Variants in GRIA1 observed in about 807,000 individuals in gnomAD.
GRIA1 encodes the protein glutamate receptor 1.
GRIA1 carries 31 observed loss-of-function variants against 99.2 expected under a neutral mutation model. The observed-to-expected ratio is 0.31, with a 90% CI of 0.23 to 0.42. GRIA1 has a LOEUF of 0.42. GRIA1 is among the 10% of genes least tolerant of loss of function. The pLI is 1.00. For synonymous variants in GRIA1, 438 were observed against 432.4 expected (o/e 1.01, Z -0.16); for missense variants, 782 against 1,157.5 (o/e 0.68, Z 4.71).
chr5:153,580,842 G>A (rs1013606397), intron 2 of GRIA1, among the ~76,000 whole-genome samples: 5 of 152,142 alleles, frequency 3.3e-5, no homozygotes, highest in Non-Finnish European at 2.9e-5. Context: ...TCTGTATTCA[G>A]AGAGGCATCC....
At chr5:153,533,310 G>A (rs946036439) in intron 2 of GRIA1, among the ~76,000 whole-genome samples, 3 of 151,790 alleles carry the variant, frequency 2.0e-5, no homozygotes, top group Admixed American at 1.3e-4. Flanking sequence ...CAAAAGAAAC[G>A]TCACTGTTGG....
intron 2 of GRIA1, among the ~76,000 whole-genome samples, chr5:153,591,268 A>G (rs921542054): frequency 2.6e-5 from 4 of 152,208 alleles, no homozygotes; most frequent in Non-Finnish European, 5.9e-5. Flanking sequence ...CATGAAAATT[A>G]TGAGTGTAAT....
At chr5:153,551,970 G>A (rs756861272) in intron 2 of GRIA1, among the ~76,000 whole-genome samples, 8 of 152,168 alleles carry the variant, frequency 5.3e-5, no homozygotes, top group Non-Finnish European at 1.0e-4. Context: ...CATCCTCTCC[G>A]AAGCAGTCAC....
In GRIA1 at chr5:153,647,132, G is replaced by A; in HGVS notation, c.425G>A (p.Trp142Ter). ...ALISIIDHYKWQKFVYIYDAD... is the reference protein window; with the variant it reads ...ALISIIDHYK The stretch of plus-strand genomic sequence containing the variant: ...ATCAGCATCATTGACCATTACAAGT[G>A]GCAGAAATTTGTCTACATTTATGAT... Residue 142 changes from tryptophan to a stop codon, truncating the protein, a stop_gained, in exon 3 of 16, where the codon TGG (tryptophan) becomes TAG (stop). Transcript: ENST00000285900. LOFTEE classifies it high-confidence loss of function. 1 of 1,613,852 alleles carries A rather than the reference G, an allele frequency of 6.2e-7. No homozygotes were observed. The highest frequency in any genetic ancestry group is 8.5e-7 in the Non-Finnish European group (1 of 1,179,876).
At chr5:153,773,088 C>T (rs1223777669) in intron 13 of GRIA1, among the ~76,000 whole-genome samples, 1 of 152,160 alleles carries the variant, frequency 6.6e-6, no homozygotes, top group Non-Finnish European at 1.5e-5. Flanking sequence ...TGACTTTCCA[C>T]TATAATAAAA....
chr5:153,698,078 C>T lies in GRIA1; in HGVS notation c.1169C>T (p.Pro390Leu), dbSNP rs748656392. 1 of 1,610,158 alleles carries T rather than the reference C, an allele frequency of 6.2e-7. No homozygotes were observed. The highest frequency in any genetic ancestry group is 1.7e-5 in the Admixed American group (1 of 60,006). ...GYWNEDDKFVPAATDAQAGGD... is the reference protein window; with the variant it reads ...GYWNEDDKFVLAATDAQAGGD... Reference sequence around the variant, plus strand: ...TGGAATGAAGATGATAAGTTTGTCCCTGCAGCCACCGATGCCCAAGCTGGG... The same window carrying T: ...TGGAATGAAGATGATAAGTTTGTCCTTGCAGCCACCGATGCCCAAGCTGGG... The change falls in exon 9 of 16, where the codon CCT becomes CTT. Residue 390 changes from proline (P) to leucine (L), a missense_variant. Pro to Leu is a moderately conservative substitution (Grantham distance 98). This residue lies in a region of GRIA1 where 461 missense variants were observed against 521.7 expected (regional missense o/e 0.88). Transcript: ENST00000285900.
rs397716942 is a variant in GRIA1, at chr5:153,492,787, C to CAA, written c.83-1132_83-1131dup. ...CTGATAAAGCCATTGCTACTGTTTT[C>CAA]AAAAAAAAAAGAGATTGAAGCATTA... On this transcript the variant is annotated intron_variant, in intron 1 of 15. Transcript: ENST00000285900. Among the ~76,000 whole-genome samples the CAA allele has an allele frequency of 4.6e-4, 67 of 146,846 alleles. No homozygotes were observed. The East Asian group carries it at 5.5e-3, about 12-fold the overall frequency.
At chr5:153,761,756 G>A (rs1026079218) in intron 11 of GRIA1, among the ~76,000 whole-genome samples, 3 of 152,092 alleles carry the variant, frequency 2.0e-5, no homozygotes, top group Non-Finnish European at 4.4e-5. Context: ...ACCAAAATAT[G>A]GAATCAACTT....
At chr5:153,789,872 C>T (rs560860043) in intron 13 of GRIA1, among the ~76,000 whole-genome samples, 1 of 145,500 alleles carries the variant, frequency 6.9e-6, no homozygotes, top group Non-Finnish European at 1.5e-5. Flanking sequence ...CGATGGTAAT[C>T]ATAATAATAT....
At chr5:153,731,391 T>G (rs1188895305) in intron 11 of GRIA1, among the ~76,000 whole-genome samples, 3 of 152,004 alleles carry the variant, frequency 2.0e-5, no homozygotes, top group Admixed American at 2.0e-4. Flanking sequence ...TTCTTCACAA[T>G]TCAGCTCCAA....
intron 2 of GRIA1, among the ~76,000 whole-genome samples, chr5:153,586,322 T>C (rs994352057): frequency 2.6e-5 from 4 of 152,330 alleles, no homozygotes; most frequent in African/African-American, 7.2e-5. Context: ...GAATTATGAA[T>C]GAATGAATGA....
At chr5:153,722,911 CTA>C (rs1760183600) in intron 11 of GRIA1, among the ~76,000 whole-genome samples, 1 of 152,072 alleles carries the variant, frequency 6.6e-6, no homozygotes, top group Non-Finnish European at 1.5e-5. Flanking sequence ...ATAACAGACT[CTA>C]TGTTAGTGAT....
At chr5:153,693,149 G>C (rs1419117509) in intron 8 of GRIA1, among the ~76,000 whole-genome samples, 1 of 152,026 alleles carries the variant, frequency 6.6e-6, no homozygotes, top group Non-Finnish European at 1.5e-5. Flanking sequence ...TGTCTACTTG[G>C]GTCTTTCTGG....
intron 2 of GRIA1, among the ~76,000 whole-genome samples, chr5:153,556,892 C>G (rs1039713760): frequency 2.0e-5 from 3 of 152,194 alleles, no homozygotes; most frequent in African/African-American, 7.2e-5. Flanking sequence ...TTACACAAAT[C>G]TAAATGGTGT....
chr5:153,802,286 G>T, intron 14 of GRIA1, 70 bp from the exon 15 acceptor site: 1 of 1,376,788 alleles, frequency 7.3e-7, no homozygotes, highest in Non-Finnish European at 1.0e-6. Context: ...GCTGCTGCTT[G>T]GATGGTCTTT....
At chr5:153,677,361 T>C (rs1337495815) in intron 7 of GRIA1, among the ~76,000 whole-genome samples, 200 bp downstream of exon 7, 2 of 152,258 alleles carry the variant, frequency 1.3e-5, no homozygotes, top group Non-Finnish European at 2.9e-5. Flanking sequence ...CAGTCATTTC[T>C]TGTAGTGTAA....
intron 5 of GRIA1, among the ~76,000 whole-genome samples, chr5:153,670,658 A>G (rs1402195003): frequency 6.6e-6 from 1 of 152,126 alleles, no homozygotes; most frequent in African/African-American, 2.4e-5. Flanking sequence ...TAATTACCAA[A>G]TATTACCCTC....
chr5:153,733,903 C>T (rs1239050938), intron 11 of GRIA1, among the ~76,000 whole-genome samples: 1 of 152,044 alleles, frequency 6.6e-6, no homozygotes, highest in Non-Finnish European at 1.5e-5. Flanking sequence ...AGCAATATAA[C>T]AATAGCAGAG....
At chr5:153,718,275 T>C (rs115075162) in intron 11 of GRIA1, among the ~76,000 whole-genome samples, 3,851 of 152,192 alleles carry the variant, frequency 0.025, 68 homozygotes, top group African/African-American at 0.061. Context: ...TAATAGTCAA[T>C]AGGTAAAGAA....
Sources: gnomAD v4.1 joint callset for allele counts (sites outside exome capture counted in the v4.1 genomes callset) on GRCh38, gnomAD v4.1.1 for gene constraint, gnomAD v4.1.1 regional missense constraint, MANE v1.5 for transcripts, NCBI Gene and HGNC (gene_info 2026-07-23, HGNC 2026-07-21) for gene names.